MAPKAP1: variants seen among roughly 807,000 people sequenced by gnomAD.
MAPKAP1 encodes target of rapamycin complex 2 subunit MAPKAP1.
In MAPKAP1, 20 loss-of-function variants were observed where a neutral mutation model predicts 65.7. The ratio of observed to expected loss-of-function variants is 0.30; its 90% confidence interval spans 0.21 to 0.44. The LOEUF is 0.44. MAPKAP1 is among the 20% of genes least tolerant of loss of function. The pLI is 1.00. For synonymous variants in MAPKAP1, 222 were observed against 244.3 expected (o/e 0.91, Z 0.85); for missense variants, 423 against 648.0 (o/e 0.65, Z 3.77).
chr9:125,606,248 A>G (rs1398935244), intron 4 of MAPKAP1, among the ~76,000 whole-genome samples: 1 of 152,162 alleles, frequency 6.6e-6, no homozygotes, highest in African/African-American at 2.4e-5. Flanking sequence ...GGGAAGAAAG[A>G]AGGAAAAGAA....
chr9:125,490,553 A>C (rs1220058513), intron 8 of MAPKAP1, among the ~76,000 whole-genome samples: 1 of 152,110 alleles, frequency 6.6e-6, no homozygotes, highest in Non-Finnish European at 1.5e-5. Flanking sequence ...AAACAAAACA[A>C]AACAAAACAA....
At chr9:125,608,591 G>A (rs1011480017) in intron 4 of MAPKAP1, among the ~76,000 whole-genome samples, 3 of 152,178 alleles carry the variant, frequency 2.0e-5, no homozygotes, top group East Asian at 1.9e-4. Context: ...CAGCATTTCC[G>A]CCTTCAGACC....
chr9:125,662,677 C>T (rs1394378973), intron 3 of MAPKAP1, among the ~76,000 whole-genome samples: 1 of 149,256 alleles, frequency 6.7e-6, no homozygotes, highest in African/African-American at 2.5e-5. Context: ...AGCAAGACTC[C>T]GTCTTAAAAA....
intron 9 of MAPKAP1, among the ~76,000 whole-genome samples, chr9:125,481,802 A>C (rs1313172928): frequency 5.3e-5 from 8 of 152,050 alleles, no homozygotes; most frequent in Admixed American, 5.2e-4. Context: ...AGCTAAACAC[A>C]AACTGGATGT....
chr9:125,582,382 CTTGGTACTAGCTATCCTCGTGTGCT>C (rs1831650873), intron 5 of MAPKAP1, among the ~76,000 whole-genome samples: 1 of 152,132 alleles, frequency 6.6e-6, no homozygotes. Context: ...GTCTGTGTTT[CTTGGTACTAGCTATCCTCGTGTGCT>C]TTGGAATTTT....
intron 10 of MAPKAP1, among the ~76,000 whole-genome samples, chr9:125,451,291 C>G (rs984750860): frequency 1.2e-4 from 19 of 152,210 alleles, no homozygotes; most frequent in African/African-American, 4.1e-4. Flanking sequence ...GAGGCACGGT[C>G]ACCTGATTCT....
At chr9:125,532,864 T>A (rs1829971230) in intron 7 of MAPKAP1, among the ~76,000 whole-genome samples, 1 of 152,238 alleles carries the variant, frequency 6.6e-6, no homozygotes, top group East Asian at 1.9e-4. Flanking sequence ...AAGTATTTAA[T>A]AAACATTTAA....
At chr9:125,567,948 T>A (rs1831110834) in intron 5 of MAPKAP1, 1 of 152,178 alleles carries the variant, frequency 6.6e-6, no homozygotes, top group Non-Finnish European at 1.5e-5. Context: ...GAGGAGACCC[T>A]CCGACGCAAA....
chr9:125,476,312 A>G (rs1256384367), intron 9 of MAPKAP1, among the ~76,000 whole-genome samples: 1 of 152,200 alleles, frequency 6.6e-6, no homozygotes, highest in Non-Finnish European at 1.5e-5. Flanking sequence ...TGCTGTCACA[A>G]TAGGGACTGA....
In MAPKAP1 at chr9:125,554,381, T is replaced by C. The variant is rs577702811; in HGVS notation, c.848+5252A>G. Among the ~76,000 whole-genome samples the C allele has an allele frequency of 4.0e-5, 6 of 151,872 alleles. No homozygotes were observed. The South Asian group carries it at 1.3e-3, about 32-fold the overall frequency. On this transcript the variant is annotated intron_variant, in intron 6 of 11. Coordinates refer to ENST00000265960, the MANE Select transcript of MAPKAP1 (RefSeq NM_001006617.3). ...GGTTTACCTAGGATGGAGGAAGGGG[T>C]TGGAGGTGAGCATCAGGGAGTGCTC... is the stretch of plus-strand genomic sequence containing the variant.
intron 1 of MAPKAP1, among the ~76,000 whole-genome samples, chr9:125,701,128 G>A (rs1269303693): frequency 6.6e-6 from 1 of 152,156 alleles, no homozygotes; most frequent in Non-Finnish European, 1.5e-5. Flanking sequence ...ATATCAATTA[G>A]AAACAGAAAG....
rs867665528 is a variant in MAPKAP1, at chr9:125,624,418, G to A, written c.498+33233C>T. ...GGCCCCCATCCCGGCCAGCCGCCCC[G>A]TCCGGGAGGGAGGTGGGGGGGGTCA... On this transcript the variant is annotated intron_variant, in intron 4 of 11. Transcript: ENST00000265960. 1.5e-3 allele frequency among the ~76,000 whole-genome samples: 145 copies of A among 94,240 alleles called. 11 individuals carry two copies. The highest frequency in any genetic ancestry group is 2.3e-3 in the African/African-American group (59 of 25,598). The allele number at this position is 94,240 out of a possible 152,430, so 61.8% of individuals were successfully genotyped here.
chr9:125,484,397 G>A (rs776041713), intron 9 of MAPKAP1, 46 bp downstream of exon 9: 18 of 1,561,602 alleles, frequency 1.2e-5, no homozygotes, highest in Admixed American at 1.8e-5. Context: ...TTTCTACACC[G>A]ACTGCTGACA....
chr9:125,647,427 T>G (rs1210337215), intron 4 of MAPKAP1, among the ~76,000 whole-genome samples: 1 of 152,192 alleles, frequency 6.6e-6, no homozygotes, highest in Non-Finnish European at 1.5e-5. Context: ...TTCCCTGGCC[T>G]GTAGGAATAC....
At chr9:125,625,144 T>C (rs1833060646) in intron 4 of MAPKAP1, among the ~76,000 whole-genome samples, 1 of 96,136 alleles carries the variant, frequency 1.0e-5, no homozygotes, top group Admixed American at 1.3e-4. Context: ...CCAGAGACCT[T>C]TGTTCACTTG....
intron 6 of MAPKAP1, among the ~76,000 whole-genome samples, chr9:125,544,365 C>T (rs1038014413): frequency 1.3e-5 from 2 of 151,860 alleles, no homozygotes; most frequent in Non-Finnish European, 2.9e-5. Flanking sequence ...TAATCTTAGT[C>T]CTAGAAAGTC....
chr9:125,518,037 T>C (rs1024505376), intron 7 of MAPKAP1, among the ~76,000 whole-genome samples: 8 of 152,212 alleles, frequency 5.3e-5, no homozygotes, highest in Non-Finnish European at 8.8e-5. Context: ...TTAATAATCG[T>C]TGTTAAATAG....
chr9:125,563,507 T>C (rs1466858812), intron 5 of MAPKAP1, among the ~76,000 whole-genome samples: 1 of 152,196 alleles, frequency 6.6e-6, no homozygotes, highest in African/African-American at 2.4e-5. Context: ...TTGGTCAATA[T>C]TTCTGTATAT....
At position 125,672,546 on chromosome 9, in the gene MAPKAP1, A is replaced by G. The variant is rs779072227; in HGVS notation, c.29T>C (p.Ile10Thr). The G allele has an allele frequency of 6.2e-7, 1 of 1,614,188 alleles. No individual in the cohort carries two copies. Among genetic ancestry groups the G allele is most frequent in the South Asian group, 1.1e-5 (1 of 91,082 alleles). The stretch of plus-strand genomic sequence containing the variant: ...ATGTGACTGTCGAATATGAGCTAGA[A>G]TGATAGTTGGATTGTCCAAGAAGGC... MAFLDNPTIILAHIRQSHVT... is the reference protein window; with the variant it reads MAFLDNPTITLAHIRQSHVT... Residue 10 changes from isoleucine (I) to threonine (T), a missense_variant, in exon 2 of 12, where the codon ATT becomes ACT. Around this residue, in one of 6 missense-constraint regions of MAPKAP1, gnomAD observed 14 missense variants for 35.3 expected, o/e 0.40. Coordinates refer to ENST00000265960, the MANE Select transcript of MAPKAP1 (RefSeq NM_001006617.3).
Sources: allele counts gnomAD v4.1 joint callset (sites outside exome capture counted in the v4.1 genomes callset), GRCh38; gene constraint gnomAD v4.1.1; regional missense constraint gnomAD v4.1.1; transcripts MANE v1.5; gene names NCBI Gene and HGNC (gene_info 2026-07-23, HGNC 2026-07-21).